Variants in ZPBP observed in about 807,000 individuals in gnomAD.
ZPBP encodes the protein zona pellucida-binding protein 1.
In ZPBP, 26 loss-of-function variants were observed where a neutral mutation model predicts 44.8. That is an observed-to-expected ratio of 0.58 (90% CI 0.43 to 0.81). The LOEUF is 0.81. ZPBP is among the 30% of genes least tolerant of loss of function. The pLI, the probability that ZPBP is intolerant of heterozygous loss-of-function variation, is 0.00. For synonymous variants in ZPBP, 174 were observed against 153.2 expected (o/e 1.14, Z -1.00); for missense variants, 409 against 434.0 (o/e 0.94, Z 0.51).
chr7:49,903,591 G>A (rs1207655777), intron 1 of ZPBP, among the ~76,000 whole-genome samples: 1 of 152,180 alleles, frequency 6.6e-6, no homozygotes, highest in Non-Finnish European at 1.5e-5. Context: ...AAGATGGTGG[G>A]GCCAGAGAAG....
At chr7:49,958,479 T>A (rs781489010) in intron 7 of ZPBP, among the ~76,000 whole-genome samples, 3 of 152,202 alleles carry the variant, frequency 2.0e-5, no homozygotes, top group African/African-American at 7.2e-5. Flanking sequence ...CCTTCATGAA[T>A]GGATTAATGC....
intron 1 of ZPBP, among the ~76,000 whole-genome samples, chr7:50,090,605 GTA>G (rs71018450): frequency 0.83 from 124,617 of 150,448 alleles, 51,650 homozygotes; most frequent in East Asian, 0.88. Context: ...GTATATATGC[GTA>G]TATATGTGTA....
chr7:50,047,383 T>A (rs1457329338), intron 4 of ZPBP, among the ~76,000 whole-genome samples: 12 of 152,064 alleles, frequency 7.9e-5, no homozygotes. Context: ...ATGCTAATGA[T>A]ATATTAAAGG....
At chr7:50,068,303 T>C (rs1159185750) in intron 3 of ZPBP, among the ~76,000 whole-genome samples, 1 of 152,204 alleles carries the variant, frequency 6.6e-6, no homozygotes, top group Non-Finnish European at 1.5e-5. Context: ...TCTTGGCTTA[T>C]ATGAAAGCCC....
At chr7:49,878,216 C>T (rs1310043581) in intron 2 of ZPBP, among the ~76,000 whole-genome samples, 1 of 152,108 alleles carries the variant, frequency 6.6e-6, no homozygotes, top group Admixed American at 6.6e-5. Flanking sequence ...CACATATATT[C>T]GTTCCTTGTA....
In ZPBP at chr7:49,983,370, C is replaced by T; in HGVS notation, c.933G>A (p.Gln311=). The T allele has an allele frequency of 6.2e-7, 1 of 1,613,368 alleles. No homozygotes were observed. The highest frequency in any genetic ancestry group is 8.5e-7 in the Non-Finnish European group (1 of 1,179,622). ...AGCACTCAGGACATTTTGGATGTTG[C>T]TGGACATTCATTCCATATCCTGGAA... ...RCFPGYGMNV[Q]QHPKCPECCV... The change falls in exon 7 of 8, where the codon CAG becomes CAA. Residue 311 remains glutamine (Q), a synonymous_variant. Coordinates refer to ENST00000046087, the MANE Select transcript of ZPBP (RefSeq NM_007009.3).
At chr7:50,081,692 G>T in intron 3 of ZPBP, 82 bp downstream of exon 3, 1 of 1,492,102 alleles carries the variant, frequency 6.7e-7, no homozygotes, top group Non-Finnish European at 9.2e-7. Context: ...ACATAAATAT[G>T]TATGAGATAC....
intron 1 of ZPBP, among the ~76,000 whole-genome samples, chr7:49,930,417 G>A (rs118006430): frequency 0.02 from 3,114 of 152,196 alleles, 260 homozygotes; most frequent in Admixed American, 0.15. Flanking sequence ...TCTATGTGAT[G>A]GGTTTCAAAC....
chr7:50,063,376 A>T lies in ZPBP; in HGVS notation c.335-5235T>A, dbSNP rs565006909. 3.9e-5 allele frequency among the ~76,000 whole-genome samples: 6 copies of T among 152,334 alleles called. No individual in the cohort carries two copies. In the East Asian group the frequency reaches 9.6e-4, roughly 24 times the overall value. On this transcript the variant is annotated intron_variant, in intron 3 of 7. Coordinates refer to ENST00000046087, the MANE Select transcript of ZPBP (RefSeq NM_007009.3). ...AAAGATGTTCATAGAAAGCACCACT[A>T]TTTGCCATCTCTTTGCGGAGCTGAG... is the stretch of plus-strand genomic sequence containing the variant.
the ZPBP span, among the ~76,000 whole-genome samples, chr7:49,841,872 CTT>C: frequency 2.0e-4 from 30 of 146,740 alleles, no homozygotes; most frequent in African/African-American, 6.2e-4. Flanking sequence ...AAATTCAACT[CTT>C]TTTTTTTTTA....
chr7:49,981,703 A>AT (rs1796982218), intron 7 of ZPBP, among the ~76,000 whole-genome samples: 1 of 93,988 alleles, frequency 1.1e-5, no homozygotes, highest in Non-Finnish European at 1.8e-5. Context: ...ATAATTATAT[A>AT]TAATATATTA....
intron 2 of ZPBP, among the ~76,000 whole-genome samples, chr7:49,880,671 G>A (rs553282711): frequency 2.0e-5 from 3 of 151,758 alleles, no homozygotes; most frequent in Admixed American, 6.6e-5. Flanking sequence ...ATCACACACC[G>A]GGGCCTGTTG....
chr7:49,989,768 C>G (rs910570610), intron 6 of ZPBP, among the ~76,000 whole-genome samples: 7 of 152,134 alleles, frequency 4.6e-5, no homozygotes, highest in African/African-American at 1.4e-4. Context: ...AAATCTGGAT[C>G]AATATTCTAG....
chr7:50,007,684 C>A (rs1166198173), intron 6 of ZPBP, among the ~76,000 whole-genome samples: 1 of 151,912 alleles, frequency 6.6e-6, no homozygotes, highest in African/African-American at 2.4e-5. Flanking sequence ...ACACCATGAC[C>A]AAGAATGATT....
At chr7:49,972,562 A>G (rs923977388) in intron 7 of ZPBP, among the ~76,000 whole-genome samples, 4 of 152,072 alleles carry the variant, frequency 2.6e-5, no homozygotes, top group African/African-American at 4.8e-5. Flanking sequence ...AATCTATAAC[A>G]TACTGCTGAA....
chr7:50,068,228 C>T (rs946857275), intron 3 of ZPBP, among the ~76,000 whole-genome samples: 2 of 152,062 alleles, frequency 1.3e-5, no homozygotes, highest in Admixed American at 6.5e-5. Context: ...TCTTATTGGA[C>T]GCCAGGTGGT....
intron 1 of ZPBP, among the ~76,000 whole-genome samples, chr7:49,905,207 A>T (rs957459035): frequency 6.6e-6 from 1 of 152,212 alleles, no homozygotes; most frequent in East Asian, 1.9e-4. Flanking sequence ...CAGAAGCAGC[A>T]TATTCAACAT....
At chr7:49,973,342 T>A (rs1434391787) in intron 7 of ZPBP, among the ~76,000 whole-genome samples, 1 of 150,816 alleles carries the variant, frequency 6.6e-6, no homozygotes, top group Non-Finnish European at 1.5e-5. Flanking sequence ...GAAAAAAAAA[T>A]GGACTTAACA....
In ZPBP at chr7:50,093,052, C is replaced by G; in HGVS notation, c.127+16G>C. 1 of 1,594,568 alleles carries G rather than the reference C, an allele frequency of 6.3e-7. No individual in the cohort carries two copies. Among genetic ancestry groups the G allele is most frequent in the Non-Finnish European group, 8.5e-7 (1 of 1,171,550 alleles). On this transcript the variant is annotated intron_variant, in intron 1 of 7. Coordinates refer to ENST00000046087, the MANE Select transcript of ZPBP (RefSeq NM_007009.3). ...GGTTGTCCCTGCGGAGCCGGCAGGG[C>G]GGCGCGGACCCTCACCTGATGAGGG...
Sources: allele counts gnomAD v4.1 joint callset (sites outside exome capture counted in the v4.1 genomes callset), GRCh38; gene constraint gnomAD v4.1.1; transcripts MANE v1.5; gene names NCBI Gene and HGNC (gene_info 2026-07-23, HGNC 2026-07-21).